CERK: variants seen among roughly 807,000 people sequenced by gnomAD.
The protein encoded by CERK is acylsphingosine kinase.
CERK carries 39 observed loss-of-function variants against 63.4 expected under a neutral mutation model. The observed-to-expected ratio is 0.61, with a 90% confidence interval of 0.48 to 0.80. The LOEUF (loss-of-function observed/expected upper bound fraction) is 0.80, where lower values mean the gene tolerates loss of function less well. Ranked by LOEUF, CERK falls within the 30% of genes least tolerant of loss-of-function variation. The probability of loss-of-function intolerance (pLI) is 0.00; values close to 1 mark genes in which losing one functional copy is unlikely to be tolerated. For synonymous variants in CERK, 302 were observed against 280.0 expected, an observed-to-expected ratio of 1.08 and a Z score of -0.78; for missense variants, 670 against 714.1, an observed-to-expected ratio of 0.94 and a Z score of 0.70.
chr22:46,735,208 G>T (rs576064592), intron 1 of CERK: 5 of 152,364 alleles, frequency 3.3e-5, no homozygotes, highest in African/African-American at 1.2e-4. Context: ...CCAGTTCAAC[G>T]AGCATGACCC....
chr22:46,698,813 A>T (rs1255403364), intron 8 of CERK, among the ~76,000 whole-genome samples: 1 of 152,180 alleles, frequency 6.6e-6, no homozygotes, highest in Non-Finnish European at 1.5e-5. Flanking sequence ...AGGTGGGAGA[A>T]TCACTTGAGC....
chr22:46,728,700 G>A (rs2082931735), intron 1 of CERK, among the ~76,000 whole-genome samples: 1 of 152,232 alleles, frequency 6.6e-6, no homozygotes, highest in Non-Finnish European at 1.5e-5. Context: ...GCAGTGAACC[G>A]GGGACACCAG....
chr22:46,688,516 CAGAA>C (rs1490348863), intron 12 of CERK, among the ~76,000 whole-genome samples: 2 of 152,228 alleles, frequency 1.3e-5, no homozygotes, highest in Non-Finnish European at 2.9e-5. Context: ...ACCGCCCTGA[CAGAA>C]AGAAAGGGGG....
Position 46,696,020 on chromosome 22 carries a change from G to A in CERK, c.944-705C>T, listed in dbSNP as rs77329254. 2.8e-3 allele frequency among the ~76,000 whole-genome samples: 434 copies of A among 152,290 alleles called. 2 individuals carry two copies. The highest frequency in any genetic ancestry group is 9.9e-3 in the African/African-American group (412 of 41,568). On this transcript the variant is annotated intron_variant, in intron 8 of 12. Coordinates refer to ENST00000216264, the MANE Select transcript of CERK (RefSeq NM_022766.6). ...CTCCGTGTCTGATGCTGGGGCTGGT[G>A]CTGCCCTGTATGACATCTGGTGTGG...
intron 1 of CERK, among the ~76,000 whole-genome samples, chr22:46,732,462 T>C (rs2082950026): frequency 6.6e-6 from 1 of 152,072 alleles, no homozygotes; most frequent in African/African-American, 2.4e-5. Flanking sequence ...GTAAAACACA[T>C]TAGGAGTTTC....
intron 1 of CERK, among the ~76,000 whole-genome samples, chr22:46,726,364 C>CGCCCACTGG: frequency 6.6e-6 from 1 of 152,324 alleles, no homozygotes; most frequent in East Asian, 1.9e-4. Context: ...CTGCCCACTG[C>CGCCCACTGG]GCCCACTGGA....
intron 2 of CERK, among the ~76,000 whole-genome samples, chr22:46,720,456 A>G (rs2082886607): frequency 6.6e-6 from 1 of 152,204 alleles, no homozygotes; most frequent in Non-Finnish European, 1.5e-5. Flanking sequence ...GCACTTTGGG[A>G]GGCTGAGGCG....
chr22:46,701,007 T>A (rs2082780806), intron 7 of CERK, among the ~76,000 whole-genome samples: 1 of 149,350 alleles, frequency 6.7e-6, no homozygotes, highest in Non-Finnish European at 1.5e-5. Flanking sequence ...GGAAACTCCA[T>A]CTCAAAAAAA....
chr22:46,702,959 C>T (rs567795659), intron 6 of CERK, among the ~76,000 whole-genome samples: 7 of 152,278 alleles, frequency 4.6e-5, no homozygotes, highest in East Asian at 1.9e-4. Context: ...ACCCGAGTAA[C>T]GACCAACCAC....
intron 10 of CERK, among the ~76,000 whole-genome samples, 181 bp from the exon 11 acceptor site, chr22:46,691,958 G>A (rs960105475): frequency 6.6e-6 from 1 of 152,180 alleles, no homozygotes; most frequent in African/African-American, 2.4e-5. Flanking sequence ...GCTCCCCGCA[G>A]GAAGTGGTAC....
chr22:46,685,854 C>A lies in CERK; in HGVS notation c.*1280G>T, dbSNP rs1373917436. ...TAAGGGAGCTTCTGCAAAACCCACC[C>A]GGCAGCATGAGGAACGGTGTCTACA... On this transcript the variant is annotated 3_prime_UTR_variant, in exon 13 of 13. Coordinates refer to ENST00000216264, the MANE Select transcript of CERK (RefSeq NM_022766.6). The A allele has an allele frequency of 6.6e-6, 1 of 152,230 alleles. No individual in the cohort carries two copies. Among genetic ancestry groups the A allele is most frequent in the Non-Finnish European group, 1.5e-5 (1 of 68,044 alleles). The allele number at this position is 152,230 out of a possible 1,614,324, so 9.4% of individuals were successfully genotyped here.
intron 1 of CERK, among the ~76,000 whole-genome samples, chr22:46,727,034 AC>A (rs1207754129): frequency 6.6e-6 from 1 of 152,162 alleles, no homozygotes; most frequent in Non-Finnish European, 1.5e-5. Flanking sequence ...AGAAAAACTC[AC>A]CATGCAAATC....
chr22:46,720,022 C>T, intron 3 of CERK, 64 bp downstream of exon 3: 1 of 1,572,024 alleles, frequency 6.4e-7, no homozygotes, highest in Non-Finnish European at 8.7e-7. Flanking sequence ...TCAGGAAGAT[C>T]ACCCAATCAG....
intron 12 of CERK, among the ~76,000 whole-genome samples, chr22:46,688,066 G>T (rs571604399): frequency 6.6e-6 from 1 of 152,062 alleles, no homozygotes; most frequent in Non-Finnish European, 1.5e-5. Flanking sequence ...GTGTGGTGGC[G>T]GGCGCCTGCT....
At chr22:46,688,518 G>C (rs748137206) in intron 12 of CERK, among the ~76,000 whole-genome samples, 1 of 152,240 alleles carries the variant, frequency 6.6e-6, no homozygotes, top group Non-Finnish European at 1.5e-5. Flanking sequence ...CGCCCTGACA[G>C]AAAGAAAGGG....
intron 7 of CERK, 45 bp from the exon 8 acceptor site, chr22:46,699,510 C>T (rs1427764139): frequency 6.2e-7 from 1 of 1,600,014 alleles, no homozygotes; most frequent in African/African-American, 1.3e-5. Context: ...CCCCTCCAGC[C>T]CCGCCCCATC....
intron 1 of CERK, among the ~76,000 whole-genome samples, chr22:46,722,778 C>G (rs996380501): frequency 6.6e-6 from 1 of 152,150 alleles, no homozygotes; most frequent in Admixed American, 6.6e-5. Context: ...AGGCTGCAGG[C>G]CGTGCCGTGC....
intron 8 of CERK, among the ~76,000 whole-genome samples, chr22:46,698,015 A>G (rs2082764718): frequency 6.6e-6 from 1 of 152,142 alleles, no homozygotes; most frequent in Admixed American, 6.5e-5. Context: ...GAGGACCTGC[A>G]TGTTCCGAAG....
rs34222392 is a variant in CERK at position 46,702,223 on chromosome 22, ATGTGTGTG to A, written c.716-521_716-514del. On this transcript the variant is annotated intron_variant, in intron 6 of 12. Coordinates refer to ENST00000216264, the MANE Select transcript of CERK (RefSeq NM_022766.6). The stretch of plus-strand genomic sequence containing the variant: ...GCCAAAAAGTTAAAAAAATATATAT[ATGTGTGTG>A]TGTGTGTGTGTGTGTGTGTGTGTGT... 5.2e-3 allele frequency among the ~76,000 whole-genome samples: 441 copies of A among 84,762 alleles called. 9 individuals are homozygous for A. Among genetic ancestry groups the A allele is most frequent in the African/African-American group, 0.017 (393 of 23,082 alleles). 55.6% of individuals were successfully genotyped at this position (84,762 alleles called of 152,430 possible).
Sources: allele counts gnomAD v4.1 joint callset (sites outside exome capture counted in the v4.1 genomes callset), GRCh38; gene constraint gnomAD v4.1.1; transcripts MANE v1.5; gene names NCBI Gene and HGNC (gene_info 2026-07-23, HGNC 2026-07-21).